Variants in CHD7 observed in about 807,000 individuals in gnomAD.
The protein encoded by CHD7 is chromodomain helicase DNA binding protein 7.
Under a neutral mutation model 307.3 loss-of-function variants are expected in CHD7, and 24 were observed. The ratio of observed to expected loss-of-function variants is 0.08; its 90% confidence interval spans 0.06 to 0.11. CHD7 has a LOEUF of 0.11. CHD7 is among the 10% of genes least tolerant of loss of function. The probability of loss-of-function intolerance (pLI) is 1.00; values close to 1 mark genes in which losing one functional copy is unlikely to be tolerated. For missense variants in CHD7, 3,106 were observed against 3,727.1 expected, an observed-to-expected ratio of 0.83 and a Z score of 4.34; for synonymous variants, 1,363 against 1,349.9, an observed-to-expected ratio of 1.01 and a Z score of -0.21.
chr8:60,713,236 C>T (rs565048134), intron 1 of CHD7, among the ~76,000 whole-genome samples: 1 of 152,022 alleles, frequency 6.6e-6, no homozygotes, highest in South Asian at 2.1e-4. Flanking sequence ...TTCAGCCTCA[C>T]TAGTAGCTGG....
chr8:60,853,284 T>G lies in CHD7; in HGVS notation c.6559T>G (p.Cys2187Gly), dbSNP rs1436306152. The change falls in exon 31 of 38, where the codon TGT (cysteine) becomes GGT (glycine). Residue 2187 changes from cysteine to glycine, a missense_variant. By Grantham distance (159) the Cys-to-Gly change is radical. This residue lies in a region of CHD7 where 1,030 missense variants were observed against 1,165.4 expected (regional missense o/e 0.88). Transcript: ENST00000423902. Reference sequence around the variant, plus strand: ...TGAAAACCCAGCTGCCAAGGAGAAATGTGAGGGCAAAGAAGAGGAAGAAGA... The same window carrying G: ...TGAAAACCCAGCTGCCAAGGAGAAAGGTGAGGGCAAAGAAGAGGAAGAAGA... Reference protein sequence around the residue: ...EPENPAAKEKCEGKEEEEETD... With the variant: ...EPENPAAKEKGEGKEEEEETD... The G allele has an allele frequency of 1.9e-6, 3 of 1,610,860 alleles. No homozygotes were observed. The Admixed American group carries it at 5.0e-5, about 27-fold the overall frequency.
In CHD7 at chr8:60,841,780, C is replaced by T. The variant is rs115999896; in HGVS notation, c.4644+26C>T. ...GTGAGTAAGAAGTCCCATTCGAACACCTATCTGATCTAAACCAAGAGCCAC... is the reference window on the plus strand; with the variant it reads ...GTGAGTAAGAAGTCCCATTCGAACATCTATCTGATCTAAACCAAGAGCCAC... On this transcript the variant is annotated intron_variant, in intron 20 of 37. Transcript: ENST00000423902. The T allele has an allele frequency of 7.5e-4, 1,210 of 1,604,040 alleles. 11 individuals carry two copies. The African/African-American group carries it at 0.015, about 20-fold the overall frequency.
chr8:60,797,422 A>G (rs1812085359), intron 4 of CHD7, among the ~76,000 whole-genome samples: 2 of 152,232 alleles, frequency 1.3e-5, no homozygotes, highest in Non-Finnish European at 2.9e-5. Flanking sequence ...TAAAAGTTAT[A>G]CTTACCAACT....
At chr8:60,699,481 G>C (rs1586179469) in intron 1 of CHD7, among the ~76,000 whole-genome samples, 1 of 151,992 alleles carries the variant, frequency 6.6e-6, no homozygotes, top group Admixed American at 6.6e-5. Flanking sequence ...GGGAGCCAGC[G>C]TAATGTGATA....
chr8:60,729,412 G>A (rs1003138594), intron 1 of CHD7, among the ~76,000 whole-genome samples: 5 of 152,192 alleles, frequency 3.3e-5, no homozygotes, highest in Non-Finnish European at 5.9e-5. Context: ...TAGGGAATTT[G>A]CTATGTTTAG....
chr8:60,718,884 A>G (rs1168628815), intron 1 of CHD7, among the ~76,000 whole-genome samples: 1 of 152,158 alleles, frequency 6.6e-6, no homozygotes, highest in Non-Finnish European at 1.5e-5. Flanking sequence ...AATCTTTTAT[A>G]TTGTATTTTT....
chr8:60,840,057 A>C (rs572803406), intron 19 of CHD7, among the ~76,000 whole-genome samples: 40 of 152,344 alleles, frequency 2.6e-4, no homozygotes, highest in African/African-American at 9.6e-4. Context: ...GGCTTCATTC[A>C]GTTAGCATAA....
At chr8:60,830,870 A>G (rs1804480762) in intron 15 of CHD7, among the ~76,000 whole-genome samples, 1 of 152,204 alleles carries the variant, frequency 6.6e-6, no homozygotes, top group Admixed American at 6.5e-5. Context: ...CTGAAGTGCT[A>G]ACAGCCAAAG....
At chr8:60,857,051 T>C (rs1462866718) in intron 34 of CHD7, among the ~76,000 whole-genome samples, 163 bp downstream of exon 34, 1 of 152,244 alleles carries the variant, frequency 6.6e-6, no homozygotes, top group African/African-American at 2.4e-5. Flanking sequence ...ATTCTGATCA[T>C]TGATACAGAT....
chr8:60,808,091 C>A, intron 6 of CHD7, 126 bp from the exon 7 acceptor site: 1 of 705,280 alleles, frequency 1.4e-6, no homozygotes, highest in Non-Finnish European at 2.4e-6. Flanking sequence ...GTGTGCTCAT[C>A]TTACGTGAAG....
chr8:60,762,812 G>A lies in CHD7; in HGVS notation c.1666-18188G>A, dbSNP rs1433132247. ...TACATTCTATAGGTGCTTGTTGAAT[G>A]TGTGATATGCTAGGACAGAGGAGTG... is the stretch of plus-strand genomic sequence containing the variant. On this transcript the variant is annotated intron_variant, in intron 2 of 37. Coordinates refer to ENST00000423902, the MANE Select transcript of CHD7 (RefSeq NM_017780.4). Among the ~76,000 whole-genome samples the A allele has an allele frequency of 3.9e-5, 6 of 152,304 alleles. No individual in the cohort carries two copies. In the East Asian group the frequency reaches 9.6e-4, roughly 24 times the overall value.
chr8:60,809,165 C>T (rs940408734), intron 7 of CHD7, among the ~76,000 whole-genome samples: 26 of 152,094 alleles, frequency 1.7e-4, no homozygotes, highest in African/African-American at 6.3e-4. Flanking sequence ...GTAGTTGGCA[C>T]TGTTAATAAA....
chr8:60,766,941 G>T (rs1372855406), intron 2 of CHD7, among the ~76,000 whole-genome samples: 3 of 152,170 alleles, frequency 2.0e-5, no homozygotes, highest in African/African-American at 7.2e-5. Flanking sequence ...AGAGAAAAAA[G>T]CACAGATAGA....
At chr8:60,717,242 C>A (rs768469381) in intron 1 of CHD7, among the ~76,000 whole-genome samples, 5 of 152,088 alleles carry the variant, frequency 3.3e-5, no homozygotes, top group Non-Finnish European at 7.4e-5. Flanking sequence ...GATTTGCTTC[C>A]TTGTAAATGA....
intron 2 of CHD7, among the ~76,000 whole-genome samples, chr8:60,764,590 A>G (rs1810377354): frequency 6.6e-6 from 1 of 152,230 alleles, no homozygotes; most frequent in African/African-American, 2.4e-5. Context: ...GAATATTCAA[A>G]GATGAGGTAA....
At chr8:60,697,900 C>T (rs1563524264) in intron 1 of CHD7, among the ~76,000 whole-genome samples, 1 of 152,198 alleles carries the variant, frequency 6.6e-6, no homozygotes, top group Non-Finnish European at 1.5e-5. Context: ...CATAGGTGGA[C>T]TCATGAGTTA....
intron 4 of CHD7, among the ~76,000 whole-genome samples, chr8:60,799,801 A>G (rs1042973255): frequency 3.3e-5 from 5 of 152,154 alleles, no homozygotes; most frequent in Non-Finnish European, 7.3e-5. Flanking sequence ...ATACTGACTG[A>G]CTGAGGAACT....
At chr8:60,795,714 C>G (rs1343989469) in intron 4 of CHD7, among the ~76,000 whole-genome samples, 1 of 152,162 alleles carries the variant, frequency 6.6e-6, no homozygotes, top group Non-Finnish European at 1.5e-5. Flanking sequence ...AATGCTAACC[C>G]TGAAGTAAAC....
intron 4 of CHD7, among the ~76,000 whole-genome samples, chr8:60,799,397 A>G (rs976816331): frequency 2.0e-5 from 3 of 152,246 alleles, no homozygotes; most frequent in Non-Finnish European, 4.4e-5. Flanking sequence ...GATCCTGCTA[A>G]TACTGGCTAT....
Sources: gnomAD v4.1 joint callset for allele counts (sites outside exome capture counted in the v4.1 genomes callset) on GRCh38, gnomAD v4.1.1 for gene constraint, gnomAD v4.1.1 regional missense constraint, MANE v1.5 for transcripts, NCBI Gene and HGNC (gene_info 2026-07-23, HGNC 2026-07-21) for gene names.